PPP2R3A: variants seen among roughly 807,000 people sequenced by gnomAD.
The protein encoded by PPP2R3A is serine/threonine-protein phosphatase 2A regulatory subunit B'' subunit alpha.
In PPP2R3A, 80 loss-of-function variants were observed where a neutral mutation model predicts 106.9. The observed-to-expected ratio is 0.75, with a 90% confidence interval of 0.62 to 0.90. The LOEUF (loss-of-function observed/expected upper bound fraction) is 0.90. Among genes scored for constraint, PPP2R3A ranks in the 40% least tolerant of loss-of-function variants. The probability of loss-of-function intolerance (pLI) is 0.00; values close to 1 mark genes in which losing one functional copy is unlikely to be tolerated. For missense variants in PPP2R3A, 1,386 were observed against 1,350.4 expected (o/e 1.03, Z -0.41); for synonymous variants, 483 against 468.3 (o/e 1.03, Z -0.41).
intron 5 of PPP2R3A, among the ~76,000 whole-genome samples, chr3:136,056,485 A>T (rs1355753409): frequency 1.2e-4 from 3 of 24,912 alleles, no homozygotes; most frequent in African/African-American, 9.8e-4. Flanking sequence ...CTATTCTAAA[A>T]AAAAAAAACC....
At chr3:136,067,820 G>C (rs1936306208) in intron 5 of PPP2R3A, among the ~76,000 whole-genome samples, 1 of 152,206 alleles carries the variant, frequency 6.6e-6, no homozygotes, top group Non-Finnish European at 1.5e-5. Flanking sequence ...AAAGGAGCCA[G>C]GGCTTCTTAG....
At position 136,014,078 on chromosome 3, in the gene PPP2R3A, A is replaced by G. The variant is rs1934189560; in HGVS notation, c.1995+10585A>G. ...CATGTGATTTGCCAGTTATTCCAGC[A>G]CTATTTGTTGAATAGGGTGTCCTTT... On this transcript the variant is annotated intron_variant, in intron 2 of 13. Transcript: ENST00000264977. Among the ~76,000 whole-genome samples, 5 of 152,290 alleles carry G rather than the reference A, an allele frequency of 3.3e-5. No homozygotes were observed. In the South Asian group the frequency reaches 1.0e-3, roughly 32 times the overall value.
At chr3:136,112,177 G>A (rs1026112539) in intron 13 of PPP2R3A, among the ~76,000 whole-genome samples, 5 of 152,100 alleles carry the variant, frequency 3.3e-5, no homozygotes, top group African/African-American at 1.2e-4. Flanking sequence ...CAAACCCACA[G>A]CCAGCGTCAC....
chr3:136,141,719 GACCATAACCTATTCCAAC>G (rs1350146040), intron 13 of PPP2R3A, among the ~76,000 whole-genome samples: 3 of 152,222 alleles, frequency 2.0e-5, no homozygotes, highest in African/African-American at 7.2e-5. Flanking sequence ...TAGGTCCCAA[GACCATAACCTATTCCAAC>G]ACTATAAACA....
At chr3:136,133,231 G>A (rs1938490871) in intron 13 of PPP2R3A, among the ~76,000 whole-genome samples, 1 of 151,994 alleles carries the variant, frequency 6.6e-6, no homozygotes, top group South Asian at 2.1e-4. Context: ...AACAGACCAG[G>A]AGAAAATATT....
intron 13 of PPP2R3A, among the ~76,000 whole-genome samples, chr3:136,141,048 C>T (rs537100357): frequency 6.6e-6 from 1 of 152,356 alleles, no homozygotes; most frequent in South Asian, 2.1e-4. Context: ...TCATTTTGAG[C>T]ACCTAGTGCC....
At chr3:136,114,633 G>GTGGTTT (rs1937670297) in intron 13 of PPP2R3A, among the ~76,000 whole-genome samples, 2 of 152,344 alleles carry the variant, frequency 1.3e-5, no homozygotes, top group African/African-American at 4.8e-5. Context: ...GCTTGAGTAT[G>GTGGTTT]TGGTTTTACC....
chr3:136,063,404 A>C (rs1936147766), intron 5 of PPP2R3A, among the ~76,000 whole-genome samples: 1 of 152,248 alleles, frequency 6.6e-6, no homozygotes, highest in Admixed American at 6.5e-5. Context: ...ATGGCAACAA[A>C]AGCCAAAATT....
At chr3:136,052,113 A>C (rs915294843) in intron 5 of PPP2R3A, among the ~76,000 whole-genome samples, 1 of 152,290 alleles carries the variant, frequency 6.6e-6, no homozygotes, top group East Asian at 1.9e-4. Flanking sequence ...TGAAATCTCA[A>C]ATCTTCAATA....
chr3:136,016,715 G>A (rs1296797631), intron 2 of PPP2R3A, among the ~76,000 whole-genome samples: 1 of 152,038 alleles, frequency 6.6e-6, no homozygotes, highest in Non-Finnish European at 1.5e-5. Flanking sequence ...TTATACGTTA[G>A]GTGAGTCTCT....
intron 2 of PPP2R3A, among the ~76,000 whole-genome samples, chr3:136,008,828 A>G (rs1241848168): frequency 2.0e-5 from 3 of 152,074 alleles, no homozygotes; most frequent in Non-Finnish European, 4.4e-5. Flanking sequence ...AGCTTGCTCC[A>G]TTAAGCCCAC....
chr3:135,972,567 T>G (rs1040232686), intron 1 of PPP2R3A, among the ~76,000 whole-genome samples: 6 of 152,190 alleles, frequency 3.9e-5, no homozygotes, highest in African/African-American at 1.4e-4. Flanking sequence ...TGCTGCACAC[T>G]TTTACATTTT....
chr3:136,057,087 G>T (rs1045867886), intron 5 of PPP2R3A, among the ~76,000 whole-genome samples: 1 of 151,376 alleles, frequency 6.6e-6, no homozygotes, highest in African/African-American at 2.4e-5. Context: ...CACACACACC[G>T]TTGGTGGGAA....
At chr3:136,072,322 T>C (rs1005498928) in intron 6 of PPP2R3A, among the ~76,000 whole-genome samples, 1 of 152,328 alleles carries the variant, frequency 6.6e-6, no homozygotes, top group South Asian at 2.1e-4. Context: ...CCAGGCACAG[T>C]GACTCATACC....
chr3:136,102,926 G>A (rs535195549), intron 11 of PPP2R3A, among the ~76,000 whole-genome samples: 1 of 152,232 alleles, frequency 6.6e-6, no homozygotes, highest in East Asian at 1.9e-4. Context: ...TGCTTGATGG[G>A]CACAGAGTTT....
chr3:136,022,633 CACAT>C (rs1934505242), intron 2 of PPP2R3A: 2 of 381,494 alleles, frequency 5.2e-6, no homozygotes, highest in African/African-American at 2.2e-5. Context: ...ATTGACACCT[CACAT>C]ACCCTGAGTT....
intron 6 of PPP2R3A, among the ~76,000 whole-genome samples, chr3:136,074,671 C>T (rs2107916119): frequency 6.6e-6 from 1 of 152,302 alleles, no homozygotes; most frequent in South Asian, 2.1e-4. Context: ...CTGTGGCTTG[C>T]TCCAATGGTG....
intron 1 of PPP2R3A, among the ~76,000 whole-genome samples, chr3:135,982,823 A>T (rs1937556436): frequency 6.6e-6 from 1 of 152,022 alleles, no homozygotes; most frequent in African/African-American, 2.4e-5. Flanking sequence ...TGAATGAAAA[A>T]TTTCCTGCCG....
At chr3:136,114,511 AC>A (rs1177415390) in intron 13 of PPP2R3A, among the ~76,000 whole-genome samples, 3 of 152,126 alleles carry the variant, frequency 2.0e-5, no homozygotes, top group Non-Finnish European at 4.4e-5. Context: ...CCCCCACAGA[AC>A]CCAGCAAACT....
Sources: gnomAD v4.1 joint callset for allele counts (sites outside exome capture counted in the v4.1 genomes callset) on GRCh38, gnomAD v4.1.1 for gene constraint, MANE v1.5 for transcripts, NCBI Gene and HGNC (gene_info 2026-07-23, HGNC 2026-07-21) for gene names.